JAM3: variants seen among roughly 807,000 people sequenced by gnomAD.
The protein encoded by JAM3 is junctional adhesion molecule 3.
JAM3 carries 31 observed loss-of-function variants against 39.4 expected under a neutral mutation model. That is an observed-to-expected ratio of 0.79 (90% CI 0.59 to 1.06). The LOEUF is 1.06. Among genes scored for constraint, JAM3 ranks in the 50% least tolerant of loss-of-function variants. JAM3 has a pLI of 0.00. For synonymous variants in JAM3, 182 were observed against 148.7 expected, an observed-to-expected ratio of 1.22 and a Z score of -1.63; for missense variants, 455 against 391.4, an observed-to-expected ratio of 1.16 and a Z score of -1.37.
At chr11:134,147,032 G>A (rs752964359) in intron 6 of JAM3, among the ~76,000 whole-genome samples, 6 of 152,176 alleles carry the variant, frequency 3.9e-5, no homozygotes, top group Admixed American at 6.5e-5. Flanking sequence ...CAAGCGTTCC[G>A]AAGGATTCTT....
intron 6 of JAM3, among the ~76,000 whole-genome samples, chr11:134,146,551 C>G (rs1193719080): frequency 6.7e-6 from 1 of 148,214 alleles, no homozygotes; most frequent in Non-Finnish European, 1.5e-5. Flanking sequence ...ACTTGGGGAG[C>G]TTTTTTTTTT....
chr11:134,069,261 C>T, intron 1 of JAM3, 102 bp downstream of exon 1: 1 of 1,480,982 alleles, frequency 6.8e-7, no homozygotes, highest in Non-Finnish European at 9.1e-7. Context: ...GATAGCGGTC[C>T]TGGCTCCGAG....
In JAM3 at chr11:134,069,088, C is replaced by A; in HGVS notation, c.5C>A (p.Ala2Glu). The A allele has an allele frequency of 6.2e-7, 1 of 1,611,184 alleles. No individual in the cohort carries two copies. The highest frequency in any genetic ancestry group is 8.5e-7 in the Non-Finnish European group (1 of 1,179,034). ...GGCCCCTCAGCAACCCTCGACATGG[C>A]GCTGAGGCGGCCACCGCGACTCCGG... is the stretch of plus-strand genomic sequence containing the variant. M[A>E]LRRPPRLRLC... The change falls in exon 1 of 9, where the codon GCG becomes GAG. Residue 2 changes from alanine to glutamate, a missense_variant. Coordinates refer to ENST00000299106, the MANE Select transcript of JAM3 (RefSeq NM_032801.5).
chr11:134,113,049 G>T (rs1173862443), intron 1 of JAM3, among the ~76,000 whole-genome samples: 2 of 152,148 alleles, frequency 1.3e-5, no homozygotes, highest in African/African-American at 4.8e-5. Flanking sequence ...GAACCCAAGG[G>T]CTAGCATCTC....
At chr11:134,079,949 T>C (rs576255663) in intron 1 of JAM3, among the ~76,000 whole-genome samples, 45 of 152,218 alleles carry the variant, frequency 3.0e-4, no homozygotes, top group African/African-American at 9.6e-4. Context: ...GTTGGAAAAA[T>C]TTATTCAGAA....
Position 134,139,729 on chromosome 11 carries a change from T to G in JAM3, c.77-122T>G, listed in dbSNP as rs1942940076. Reference sequence around the variant, plus strand: ...ACCTAAGAGACTTTATTGTGGAATATTTTTCCATCCTCTGTGGTTAGTAAC... The same window carrying G: ...ACCTAAGAGACTTTATTGTGGAATAGTTTTCCATCCTCTGTGGTTAGTAAC... On this transcript the variant is annotated intron_variant, in intron 1 of 8. Coordinates refer to ENST00000299106, the MANE Select transcript of JAM3 (RefSeq NM_032801.5). 3.9e-6 allele frequency: 3 copies of G among 779,062 alleles called. No homozygotes were observed. The African/African-American group carries it at 5.1e-5, about 13-fold the overall frequency. The allele number at this position is 779,062 out of a possible 1,614,324, so 48.3% of individuals were successfully genotyped here.
At chr11:134,143,739 C>T (rs1943017070) in intron 3 of JAM3, among the ~76,000 whole-genome samples, 1 of 152,178 alleles carries the variant, frequency 6.6e-6, no homozygotes, top group Middle Eastern at 3.2e-3. Context: ...TCTAAGAAAC[C>T]ATTGCCCAAT....
chr11:134,106,988 A>T (rs1942204094), intron 1 of JAM3, among the ~76,000 whole-genome samples: 1 of 152,156 alleles, frequency 6.6e-6, no homozygotes, highest in South Asian at 2.1e-4. Context: ...CTGGGTATAT[A>T]CCCAAAGGAT....
intron 1 of JAM3, among the ~76,000 whole-genome samples, chr11:134,118,655 C>G (rs1942481014): frequency 6.6e-6 from 1 of 152,160 alleles, no homozygotes; most frequent in African/African-American, 2.4e-5. Flanking sequence ...CCTGCCACCA[C>G]TCCTTCTTTG....
chr11:134,114,681 A>C (rs1267198114), intron 1 of JAM3, among the ~76,000 whole-genome samples: 1 of 152,196 alleles, frequency 6.6e-6, no homozygotes, highest in East Asian at 1.9e-4. Flanking sequence ...ACTGATCTCT[A>C]TTTTAATTTC....
At position 134,151,179 on chromosome 11, in the gene JAM3, T is replaced by C. The variant is rs562210960; in HGVS notation, c.*1998T>C. On this transcript the variant is annotated 3_prime_UTR_variant, in exon 9 of 9. Transcript: ENST00000299106. ...AGCTTCCAGTGTCTTGGGTTTTTTA[T>C]ACTTTGACAGCTTTTTTTTAATTGC... 6.6e-6 allele frequency: 1 copy of C among 152,294 alleles called. No homozygotes were observed. The highest frequency in any genetic ancestry group is 1.5e-5 in the Non-Finnish European group (1 of 68,064). The allele number at this position is 152,294 out of a possible 1,614,324, so 9.4% of individuals were successfully genotyped here. A position where few individuals can be genotyped will look rare whatever the true frequency, so the allele number is the denominator to read the frequency against.
At chr11:134,114,582 T>G (rs1313155922) in intron 1 of JAM3, among the ~76,000 whole-genome samples, 1 of 152,254 alleles carries the variant, frequency 6.6e-6, no homozygotes, top group African/African-American at 2.4e-5. Flanking sequence ...AAACACTTTT[T>G]AATTTCCCTT....
chr11:134,096,102 A>G (rs1216203568), intron 1 of JAM3, among the ~76,000 whole-genome samples: 1 of 151,816 alleles, frequency 6.6e-6, no homozygotes, highest in African/African-American at 2.4e-5. Flanking sequence ...TCATCCTCCC[A>G]AGTAGCTGGG....
chr11:134,099,773 A>G (rs569501928), intron 1 of JAM3, among the ~76,000 whole-genome samples: 1 of 152,056 alleles, frequency 6.6e-6, no homozygotes, highest in East Asian at 1.9e-4. Context: ...CGCCTGGCTA[A>G]TTTTTGAATT....
At chr11:134,112,156 G>A (rs1464985382) in intron 1 of JAM3, among the ~76,000 whole-genome samples, 1 of 152,102 alleles carries the variant, frequency 6.6e-6, no homozygotes, top group Non-Finnish European at 1.5e-5. Context: ...GCATGGCCTT[G>A]GCTCACTGCA....
Position 134,149,257 on chromosome 11 carries a change from G to GTGC in JAM3, c.*76_*77insTGC. 6.4e-7 allele frequency: 1 copy of GTGC among 1,565,334 alleles called. No homozygotes were observed. Among genetic ancestry groups the GTGC allele is most frequent in the Non-Finnish European group, 8.8e-7 (1 of 1,137,580 alleles). ...CTAGAAACTCCTGTCAAGGCAGCGAGAGCTGATGCACTCGGACAGAGCTAG... is the reference window on the plus strand; with the variant it reads ...CTAGAAACTCCTGTCAAGGCAGCGAGTGCAGCTGATGCACTCGGACAGAGCTAG... On this transcript the variant is annotated 3_prime_UTR_variant, in exon 9 of 9. Coordinates refer to ENST00000299106, the MANE Select transcript of JAM3 (RefSeq NM_032801.5).
At chr11:134,092,683 C>T (rs1489918482) in intron 1 of JAM3, among the ~76,000 whole-genome samples, 1 of 132,736 alleles carries the variant, frequency 7.5e-6, no homozygotes, top group Non-Finnish European at 1.6e-5. Flanking sequence ...GAAGCTTCTC[C>T]TGAGCCCTCC....
chr11:134,119,675 T>C (rs759533850), intron 1 of JAM3, among the ~76,000 whole-genome samples: 1 of 152,126 alleles, frequency 6.6e-6, no homozygotes, highest in African/African-American at 2.4e-5. Flanking sequence ...GGCCAGTCTT[T>C]GTGTTTTATT....
At chr11:134,131,878 T>G (rs1013801000) in intron 1 of JAM3, among the ~76,000 whole-genome samples, 3 of 152,280 alleles carry the variant, frequency 2.0e-5, no homozygotes, top group Admixed American at 6.5e-5. Context: ...GTTAGGACGA[T>G]TAATTATCAA....
Sources: allele counts gnomAD v4.1 joint callset (sites outside exome capture counted in the v4.1 genomes callset), GRCh38; gene constraint gnomAD v4.1.1; transcripts MANE v1.5; gene names NCBI Gene and HGNC (gene_info 2026-07-23, HGNC 2026-07-21).